The following SIM2 variants were observed in gnomAD, a reference collection of about 807,000 sequenced individuals.
The protein encoded by SIM2 is single-minded homolog 2.
A neutral mutation model predicts 64.8 loss-of-function variants in SIM2; 28 were observed. The ratio of observed to expected loss-of-function variants is 0.43; its 90% confidence interval spans 0.32 to 0.59. The LOEUF is 0.59. SIM2 is among the 20% of genes least tolerant of loss of function. The pLI is 0.07. For synonymous variants in SIM2, 408 were observed against 391.1 expected (o/e 1.04, Z -0.51); for missense variants, 847 against 871.4 (o/e 0.97, Z 0.35).
intron 9 of SIM2, among the ~76,000 whole-genome samples, 161 bp downstream of exon 9, chr21:36,743,716 G>A (rs1349657718): frequency 2.0e-5 from 3 of 152,168 alleles, no homozygotes; most frequent in African/African-American, 7.2e-5. Flanking sequence ...AGTAGTGACA[G>A]CCCGGGGAAG....
At chr21:36,705,570 C>A (rs985050456) in intron 1 of SIM2, among the ~76,000 whole-genome samples, 2 of 152,194 alleles carry the variant, frequency 1.3e-5, no homozygotes, top group African/African-American at 2.4e-5. Context: ...CCACAAAAAT[C>A]CCATTTTGGA....
rs370413665 is a variant in SIM2 at position 36,742,588 on chromosome 21, T to C, written c.998+724T>C. On this transcript the variant is annotated intron_variant, in intron 8 of 10. Coordinates refer to ENST00000290399, the MANE Select transcript of SIM2 (RefSeq NM_005069.6). ...ATACTTTTAAGGCCATTAGAAGCAA[T>C]AGGACAGATGTCTATCTGGGGCCAT... 7.9e-5 allele frequency among the ~76,000 whole-genome samples: 12 copies of C among 152,190 alleles called. No homozygotes were observed. The East Asian group carries it at 1.4e-3, about 17-fold the overall frequency.
chr21:36,727,008 G>GT (rs1203553976), intron 6 of SIM2, among the ~76,000 whole-genome samples: 2 of 152,146 alleles, frequency 1.3e-5, no homozygotes, highest in East Asian at 1.9e-4. Flanking sequence ...TAAAGTCTGA[G>GT]TTTTTTAAAA....
chr21:36,709,074 C>T, intron 1 of SIM2, 94 bp from the exon 2 acceptor site: 2 of 1,097,292 alleles, frequency 1.8e-6, no homozygotes, highest in East Asian at 2.8e-5. Context: ...GTGGGGAGGG[C>T]TGGCAGGGTG....
At chr21:36,744,175 T>C (rs142915091) in intron 9 of SIM2, among the ~76,000 whole-genome samples, 1,847 of 152,056 alleles carry the variant, frequency 0.012, 25 homozygotes, top group African/African-American at 0.042. Flanking sequence ...GAGGTTGCAG[T>C]GAGCTGAGAC....
Position 36,741,574 on chromosome 21 carries a change from A to T in SIM2, c.851-143A>T, listed in dbSNP as rs979061378. 4 of 870,516 alleles carry T rather than the reference A, an allele frequency of 4.6e-6. No homozygotes were observed. In the Admixed American group the frequency reaches 8.3e-5, roughly 18 times the overall value. The allele number at this position is 870,516 out of a possible 1,614,324, so 53.9% of individuals were successfully genotyped here. On this transcript the variant is annotated intron_variant, in intron 7 of 10. Transcript: ENST00000290399. ...GTGTGCACGCACGAGACGCACACAG[A>T]CATGCACCCTCCAGCGGAGAAAGCC...
At chr21:36,741,332 C>T (rs1459984991) in intron 7 of SIM2, among the ~76,000 whole-genome samples, 2 of 152,210 alleles carry the variant, frequency 1.3e-5, no homozygotes, top group African/African-American at 2.4e-5. Context: ...ACTCACCCCC[C>T]CTCCCCATTA....
chr21:36,746,633 G>C (rs116529406), intron 10 of SIM2, among the ~76,000 whole-genome samples: 321 of 152,320 alleles, frequency 2.1e-3, no homozygotes, highest in African/African-American at 7.2e-3. Flanking sequence ...GGTGACCAGG[G>C]CCAGGACCCC....
chr21:36,724,089 C>T (rs550323744), intron 5 of SIM2, among the ~76,000 whole-genome samples: 1 of 152,364 alleles, frequency 6.6e-6, no homozygotes, highest in African/African-American at 2.4e-5. Flanking sequence ...CACTTTTGTG[C>T]CTTTGTCCTC....
At chr21:36,731,278 G>C (rs2088965233) in intron 7 of SIM2, 127 bp downstream of exon 7, 1 of 659,504 alleles carries the variant, frequency 1.5e-6, no homozygotes, top group African/African-American at 1.8e-5. Flanking sequence ...TGAATCTCAA[G>C]CCCCAAGTGT....
chr21:36,733,133 G>A (rs558832529), intron 7 of SIM2, among the ~76,000 whole-genome samples: 1 of 152,304 alleles, frequency 6.6e-6, no homozygotes, highest in African/African-American at 2.4e-5. Context: ...GCATACCCCC[G>A]AATTACAGCA....
chr21:36,735,810 G>A (rs955781989), intron 7 of SIM2, among the ~76,000 whole-genome samples: 2 of 152,144 alleles, frequency 1.3e-5, no homozygotes, highest in East Asian at 1.9e-4. Flanking sequence ...TGCAGAGGCC[G>A]ACTTGGGGAG....
intron 3 of SIM2, among the ~76,000 whole-genome samples, chr21:36,716,733 G>A (rs2088751508): frequency 6.6e-6 from 1 of 152,100 alleles, no homozygotes; most frequent in Admixed American, 6.5e-5. Context: ...ACATAAAAAA[G>A]CTCTTAGTAG....
chr21:36,708,840 T>C (rs184113694), intron 1 of SIM2, among the ~76,000 whole-genome samples: 43 of 152,336 alleles, frequency 2.8e-4, no homozygotes, highest in Non-Finnish European at 5.4e-4. Flanking sequence ...CAGATTAGAT[T>C]ACTTTGTGGC....
At chr21:36,735,150 T>C (rs1568937301) in intron 7 of SIM2, among the ~76,000 whole-genome samples, 1 of 152,158 alleles carries the variant, frequency 6.6e-6, no homozygotes, top group Non-Finnish European at 1.5e-5. Context: ...CCCCTGTGCC[T>C]GTCAGTCAGT....
At position 36,712,651 on chromosome 21, in the gene SIM2, C is replaced by A. The variant is rs146866663; in HGVS notation, c.348+29C>A. ...GGTATTGCCTAATTTTATGTGCAAC[C>A]AAAATATTAAACGAAGTGACAGCAG... is the stretch of plus-strand genomic sequence containing the variant. On this transcript the variant is annotated intron_variant, in intron 3 of 10. Coordinates refer to ENST00000290399, the MANE Select transcript of SIM2 (RefSeq NM_005069.6). 9 of 1,450,880 alleles carry A rather than the reference C, an allele frequency of 6.2e-6. No individual in the cohort carries two copies. The African/African-American group carries it at 9.8e-5, about 16-fold the overall frequency. The allele number at this position is 1,450,880 out of a possible 1,614,324, so 89.9% of individuals were successfully genotyped here.
intron 7 of SIM2, among the ~76,000 whole-genome samples, chr21:36,738,910 G>GGAGA (rs140892787): frequency 1.4e-3 from 216 of 152,334 alleles, no homozygotes; most frequent in African/African-American, 4.3e-3. Flanking sequence ...GCATGGTCCG[G>GGAGA]GAGAGACCCC....
At chr21:36,706,044 C>G (rs529700107) in intron 1 of SIM2, among the ~76,000 whole-genome samples, 1 of 152,190 alleles carries the variant, frequency 6.6e-6, no homozygotes, top group African/African-American at 2.4e-5. Context: ...CAGGAACTAT[C>G]TCCCCGTTTG....
chr21:36,718,922 C>G (rs769196509), intron 3 of SIM2, among the ~76,000 whole-genome samples: 3 of 152,178 alleles, frequency 2.0e-5, no homozygotes, highest in Non-Finnish European at 4.4e-5. Flanking sequence ...GAAAGATTCT[C>G]AAGTTCGGGA....
Sources: allele counts gnomAD v4.1 joint callset (sites outside exome capture counted in the v4.1 genomes callset), GRCh38; gene constraint gnomAD v4.1.1; transcripts MANE v1.5; gene names NCBI Gene and HGNC (gene_info 2026-07-23, HGNC 2026-07-21).